Variants in CADM2 observed in about 807,000 individuals in gnomAD.
The protein encoded by CADM2 is cell adhesion molecule 2, also known as immunoglobulin superfamily member 4D.
In CADM2, 12 loss-of-function variants were observed where a neutral mutation model predicts 49.8. The observed-to-expected ratio is 0.24, with a 90% CI of 0.15 to 0.39. The LOEUF (loss-of-function observed/expected upper bound fraction) is 0.39, where lower values mean the gene tolerates loss of function less well. Among genes scored for constraint, CADM2 ranks in the 10% least tolerant of loss-of-function variants. The pLI, the probability that CADM2 is intolerant of heterozygous loss-of-function variation, is 1.00. For missense variants in CADM2, 378 were observed against 492.3 expected (o/e 0.77, Z 2.20); for synonymous variants, 214 against 175.4 (o/e 1.22, Z -1.74).
intron 1 of CADM2, among the ~76,000 whole-genome samples, chr3:85,525,030 T>G (rs766323171): frequency 6.6e-6 from 1 of 152,068 alleles, no homozygotes. Flanking sequence ...AGGGGAGGGA[T>G]AGCATTAGGA....
At chr3:86,041,299 G>A (rs1235942538) in intron 8 of CADM2, among the ~76,000 whole-genome samples, 4 of 152,112 alleles carry the variant, frequency 2.6e-5, no homozygotes, top group African/African-American at 9.7e-5. Flanking sequence ...ATTGGATAAA[G>A]AGTCAAGACC....
At chr3:85,917,526 T>C (rs1385086320) in intron 6 of CADM2, among the ~76,000 whole-genome samples, 1 of 152,152 alleles carries the variant, frequency 6.6e-6, no homozygotes, top group Non-Finnish European at 1.5e-5. Flanking sequence ...CATTGGCCTA[T>C]ATCTCTGTTT....
chr3:85,567,947 C>T (rs957551457), intron 1 of CADM2, among the ~76,000 whole-genome samples: 1 of 152,180 alleles, frequency 6.6e-6, no homozygotes, highest in African/African-American at 2.4e-5. Context: ...AGGGAGGCCC[C>T]GCTCTAGGGA....
chr3:85,122,944 A>AT (rs1165655115), intron 1 of CADM2, among the ~76,000 whole-genome samples: 1 of 152,028 alleles, frequency 6.6e-6, no homozygotes, highest in African/African-American at 2.4e-5. Flanking sequence ...CTAAGTGTTC[A>AT]CCTCTATCCT....
intron 1 of CADM2, among the ~76,000 whole-genome samples, chr3:85,294,390 A>G (rs1055920414): frequency 6.6e-6 from 1 of 151,888 alleles, no homozygotes; most frequent in Admixed American, 6.5e-5. Context: ...ATTCAATGCC[A>G]TCCTCATCAA....
At chr3:85,852,512 A>C (rs186475274) in intron 3 of CADM2, among the ~76,000 whole-genome samples, 7 of 152,218 alleles carry the variant, frequency 4.6e-5, no homozygotes, top group Non-Finnish European at 8.8e-5. Flanking sequence ...TAGTTCCACA[A>C]TCTGTCTTCA....
intron 7 of CADM2, among the ~76,000 whole-genome samples, chr3:85,960,325 CATAAA>C (rs1724659973): frequency 6.6e-6 from 1 of 151,846 alleles, no homozygotes; most frequent in Non-Finnish European, 1.5e-5. Context: ...TTCACAATAA[CATAAA>C]ATAAATTCAA....
intron 1 of CADM2, among the ~76,000 whole-genome samples, chr3:85,686,360 A>T (rs1248591169): frequency 1.3e-5 from 2 of 152,196 alleles, no homozygotes; most frequent in East Asian, 3.8e-4. Flanking sequence ...TTTTTAAAAA[A>T]TGGTAACGCT....
chr3:84,996,323 AATAAT>A (rs1021940698), intron 1 of CADM2, among the ~76,000 whole-genome samples: 9 of 152,144 alleles, frequency 5.9e-5, no homozygotes, highest in African/African-American at 2.2e-4. Context: ...ATGAAGAAAC[AATAAT>A]ATGTTTCATA....
chr3:85,578,953 G>A (rs1319714567), intron 1 of CADM2, among the ~76,000 whole-genome samples: 4 of 152,108 alleles, frequency 2.6e-5, no homozygotes, highest in Non-Finnish European at 5.9e-5. Context: ...TTTCAAATTA[G>A]CAGCCACGGT....
At chr3:86,055,834 G>C (rs1173101311) in intron 8 of CADM2, among the ~76,000 whole-genome samples, 1 of 152,074 alleles carries the variant, frequency 6.6e-6, no homozygotes, top group Non-Finnish European at 1.5e-5. Context: ...GAGAAAAGCA[G>C]AGCAGGTACC....
chr3:85,599,709 A>G lies in CADM2; in HGVS notation c.62-126813A>G, dbSNP rs954939153. Among the ~76,000 whole-genome samples the G allele has an allele frequency of 6.6e-5, 10 of 152,060 alleles. No homozygotes were observed. The East Asian group carries it at 1.6e-3, about 24-fold the overall frequency. On this transcript the variant is annotated intron_variant, in intron 1 of 9. Transcript: ENST00000383699. ...AAAATTAAAAAATTATGTCAAATTT[A>G]TAAAAATTTCAATTGATTTTAGATG... is the stretch of plus-strand genomic sequence containing the variant.
intron 1 of CADM2, among the ~76,000 whole-genome samples, chr3:84,978,773 A>G (rs77561406): frequency 0.015 from 2,251 of 152,316 alleles, 36 homozygotes; most frequent in East Asian, 0.078. Flanking sequence ...TATGAAAACA[A>G]TAAAACCAAA....
intron 8 of CADM2, among the ~76,000 whole-genome samples, chr3:85,986,520 TTA>T (rs1728135738): frequency 6.6e-6 from 1 of 152,064 alleles, no homozygotes; most frequent in African/African-American, 2.4e-5. Flanking sequence ...CTTTTAAAAA[TTA>T]AGTGTCAATA....
chr3:85,294,528 G>T (rs2043898957), intron 1 of CADM2, among the ~76,000 whole-genome samples: 1 of 151,918 alleles, frequency 6.6e-6, no homozygotes, highest in South Asian at 2.1e-4. Flanking sequence ...CACACTACCT[G>T]ACTTCAAACT....
chr3:85,763,174 T>C (rs1432655130), intron 2 of CADM2, among the ~76,000 whole-genome samples: 1 of 152,172 alleles, frequency 6.6e-6, no homozygotes, highest in Non-Finnish European at 1.5e-5. Context: ...ACAGTTTGGA[T>C]GGAGAGCAAT....
chr3:85,719,925 A>T (rs1335914611), intron 1 of CADM2, among the ~76,000 whole-genome samples: 1 of 152,092 alleles, frequency 6.6e-6, no homozygotes, highest in African/African-American at 2.4e-5. Context: ...ACAAGTGTTT[A>T]ATTTTGTAAA....
intron 6 of CADM2, among the ~76,000 whole-genome samples, chr3:85,917,507 G>A (rs1718515607): frequency 6.6e-6 from 1 of 152,062 alleles, no homozygotes. Context: ...TGAGGGCTCT[G>A]TTCTGTTCCA....
At chr3:84,962,633 G>C (rs2030648224) in intron 1 of CADM2, among the ~76,000 whole-genome samples, 1 of 152,170 alleles carries the variant, frequency 6.6e-6, no homozygotes, top group South Asian at 2.1e-4. Flanking sequence ...ATTTTGGCTA[G>C]AGGGAGTCTG....
Sources: allele counts gnomAD v4.1 joint callset (sites outside exome capture counted in the v4.1 genomes callset), GRCh38; gene constraint gnomAD v4.1.1; transcripts MANE v1.5; gene names NCBI Gene and HGNC (gene_info 2026-07-23, HGNC 2026-07-21).